Variants in BICD2 observed in about 807,000 individuals in gnomAD.
BICD2 encodes the protein BICD cargo adaptor 2.
BICD2 carries 25 observed loss-of-function variants against 72.9 expected under a neutral mutation model. The observed-to-expected ratio is 0.34, with a 90% CI of 0.25 to 0.48. The LOEUF (loss-of-function observed/expected upper bound fraction) is 0.48. BICD2 is among the 20% of genes least tolerant of loss of function. BICD2 has a pLI of 0.99. For missense variants in BICD2, 894 were observed against 1,175.2 expected, an observed-to-expected ratio of 0.76 and a Z score of 3.50; for synonymous variants, 501 against 516.1, an observed-to-expected ratio of 0.97 and a Z score of 0.40.
intron 1 of BICD2, among the ~76,000 whole-genome samples, chr9:92,735,088 T>C (rs1163276884): frequency 6.6e-6 from 1 of 152,236 alleles, no homozygotes; most frequent in African/African-American, 2.4e-5. Flanking sequence ...CCCACTGCTC[T>C]GAAGCTGCCT....
chr9:92,714,422 C>T lies in BICD2; in HGVS notation c.*732G>A, dbSNP rs1342862381. 1.9e-5 allele frequency: 19 copies of T among 985,460 alleles called. No individual in the cohort carries two copies. Among genetic ancestry groups the T allele is most frequent in the Non-Finnish European group, 2.2e-5 (18 of 829,956 alleles). The allele number at this position is 985,460 out of a possible 1,614,324, so 61.0% of individuals were successfully genotyped here. ...AAAATGAAAACCTGGGGCCTTGGGC[C>T]CTGCCAATCTGTCACCTCACAGGCC... On this transcript the variant is annotated 3_prime_UTR_variant, in exon 7 of 7. Coordinates refer to ENST00000356884, the MANE Select transcript of BICD2 (RefSeq NM_001003800.2).
At chr9:92,723,043 G>A (rs12685352) in intron 2 of BICD2, among the ~76,000 whole-genome samples, 1 of 133,054 alleles carries the variant, frequency 7.5e-6, no homozygotes, top group African/African-American at 2.6e-5. Flanking sequence ...CTGGGAACCC[G>A]TGACTGCCTG....
rs748921807 is a variant in BICD2 at position 92,719,111 on chromosome 9, C to G, written c.1534G>C (p.Val512Leu). The change falls in exon 5 of 7, where the codon GTC (valine) becomes CTC (leucine). Residue 512 changes from valine to leucine, a missense_variant. By Grantham distance (32) the Val-to-Leu change is conservative. Transcript: ENST00000356884. ...AGGCTGCCCTGTGTCTCGCCGGCGA[C>G]GTCGCTCACCTTCTTTAGCTCCTTC... Reference protein sequence around the residue: ...LEKELKKVSDVAGETQGSLSV... With the variant: ...LEKELKKVSDLAGETQGSLSV... 1.2e-6 allele frequency: 2 copies of G among 1,612,712 alleles called. No homozygotes were observed. The highest frequency in any genetic ancestry group is 1.7e-4 in the Middle Eastern group (1 of 6,060).
intron 1 of BICD2, among the ~76,000 whole-genome samples, chr9:92,737,010 G>A (rs774546494): frequency 1.3e-5 from 2 of 152,086 alleles, no homozygotes; most frequent in South Asian, 2.1e-4. Flanking sequence ...AAACCCCTAG[G>A]AGATAGAGAA....
chr9:92,739,021 G>A (rs1477284583), intron 1 of BICD2, among the ~76,000 whole-genome samples: 1 of 152,138 alleles, frequency 6.6e-6, no homozygotes, highest in Non-Finnish European at 1.5e-5. Context: ...GGCGGGCCTG[G>A]GCATCCCAGG....
intron 1 of BICD2, among the ~76,000 whole-genome samples, chr9:92,759,101 AG>A (rs1306281129): frequency 7.2e-5 from 11 of 152,228 alleles, no homozygotes; most frequent in African/African-American, 2.7e-4. Flanking sequence ...ATAAGTTAGA[AG>A]TACCACAGAA....
chr9:92,756,180 A>G (rs1854251738), intron 1 of BICD2, among the ~76,000 whole-genome samples: 1 of 152,200 alleles, frequency 6.6e-6, no homozygotes, highest in East Asian at 1.9e-4. Context: ...GGGGCGACAG[A>G]TGAACCAGAA....
chr9:92,714,071 C>T lies in BICD2; in HGVS notation c.*1083G>A, dbSNP rs1172848101. 3 of 985,876 alleles carry T rather than the reference C, an allele frequency of 3.0e-6. No homozygotes were observed. The highest frequency in any genetic ancestry group is 3.6e-6 in the Non-Finnish European group (3 of 830,322). The allele number at this position is 985,876 out of a possible 1,614,324, so 61.1% of individuals were successfully genotyped here. On this transcript the variant is annotated 3_prime_UTR_variant, in exon 7 of 7. Transcript: ENST00000356884. The stretch of plus-strand genomic sequence containing the variant: ...TGGGAGAACCCTACAGCTACCTTTC[C>T]TCTTTCTCTGTTGCCATCCCCCAGA...
chr9:92,743,685 G>C (rs1036524230), intron 1 of BICD2, among the ~76,000 whole-genome samples: 1 of 152,150 alleles, frequency 6.6e-6, no homozygotes, highest in African/African-American at 2.4e-5. Context: ...AGATGGAAGA[G>C]AGCCATCTCT....
intron 2 of BICD2, among the ~76,000 whole-genome samples, chr9:92,726,712 C>G (rs1316903658): frequency 6.6e-6 from 1 of 152,070 alleles, no homozygotes; most frequent in Non-Finnish European, 1.5e-5. Flanking sequence ...ACCCAGGGAC[C>G]AAGGTGGGGA....
At chr9:92,756,552 C>A (rs898018513) in intron 1 of BICD2, among the ~76,000 whole-genome samples, 1 of 149,482 alleles carries the variant, frequency 6.7e-6, no homozygotes, top group African/African-American at 2.4e-5. Flanking sequence ...TGAGCCACTG[C>A]GCCCGGCCCC....
chr9:92,721,247 T>C (rs537438618), intron 3 of BICD2, among the ~76,000 whole-genome samples: 1 of 152,342 alleles, frequency 6.6e-6, no homozygotes, highest in East Asian at 1.9e-4. Flanking sequence ...AAAAATATAT[T>C]TCAATGTGTG....
intron 2 of BICD2, among the ~76,000 whole-genome samples, chr9:92,724,627 C>T (rs560048824): frequency 3.3e-5 from 5 of 152,158 alleles, no homozygotes; most frequent in Non-Finnish European, 7.4e-5. Flanking sequence ...CATGCTGGGA[C>T]GAAGCGGGAG....
In BICD2 at chr9:92,720,671, G is replaced by T; in HGVS notation, c.691C>A (p.Arg231Ser). Residue 231 changes from arginine (R) to serine (S), a missense_variant, in exon 4 of 7, where the codon CGC becomes AGC. Transcript: ENST00000356884. This position sits in a 1 kb window ranked among gnomAD's most constrained non-coding sequence, Gnocchi z 5.4. The stretch of plus-strand genomic sequence containing the variant: ...TGCCGCTCTGAGATCTCCTTGAGGC[G>T]GATGGCATCCTCCAGCTGGCTGTTG... ...YLNSQLEDAI[R>S]LKEISERQLE... is the part of the protein sequence containing the mutation. The T allele has an allele frequency of 6.2e-7, 1 of 1,614,122 alleles. No homozygotes were observed. The highest frequency in any genetic ancestry group is 8.5e-7 in the Non-Finnish European group (1 of 1,180,026).
Position 92,713,908 on chromosome 9 carries a change from G to A in BICD2, c.*1246C>T, listed in dbSNP as rs1400185066. On this transcript the variant is annotated 3_prime_UTR_variant, in exon 7 of 7. Coordinates refer to ENST00000356884, the MANE Select transcript of BICD2 (RefSeq NM_001003800.2). ...TAACTCGAATGCCTCTTCCGCATGA[G>A]AGACAAGGCAAGCAGCCTGCAGGAG... 1.0e-6 allele frequency: 1 copy of A among 999,908 alleles called. No homozygotes were observed. Among genetic ancestry groups the A allele is most frequent in the Non-Finnish European group, 1.2e-6 (1 of 838,422 alleles). The allele number at this position is 999,908 out of a possible 1,614,324, so 61.9% of individuals were successfully genotyped here.
chr9:92,750,679 G>A (rs1441904108), intron 1 of BICD2, among the ~76,000 whole-genome samples: 1 of 151,904 alleles, frequency 6.6e-6, no homozygotes, highest in East Asian at 1.9e-4. Context: ...TTTTAAGGCA[G>A]TGAAACTATT....
chr9:92,718,088 C>A, intron 5 of BICD2, 140 bp from the exon 6 acceptor site: 1 of 1,077,862 alleles, frequency 9.3e-7, no homozygotes, highest in Non-Finnish European at 1.3e-6. Context: ...CTCCCTGTGA[C>A]AAACCCTGGG....
Position 92,764,312 on chromosome 9 carries a change from C to T in BICD2, c.240+193G>A, listed in dbSNP as rs1854435337. On this transcript the variant is annotated intron_variant, in intron 1 of 6. Coordinates refer to ENST00000356884, the MANE Select transcript of BICD2 (RefSeq NM_001003800.2). This position sits in a 1 kb window ranked among gnomAD's most constrained non-coding sequence, Gnocchi z 5.5. ...CGGACCCCTGCATTAGCGGCGTCTG[C>T]AACGGCCGCGGCACCGGCCTGCTAG... Among the ~76,000 whole-genome samples the T allele has an allele frequency of 6.6e-6, 1 of 152,180 alleles. No homozygotes were observed. The highest frequency in any genetic ancestry group is 1.5e-5 in the Non-Finnish European group (1 of 68,006).
intron 1 of BICD2, among the ~76,000 whole-genome samples, chr9:92,745,033 A>G (rs1247516926): frequency 3.3e-5 from 5 of 152,228 alleles, no homozygotes; most frequent in Non-Finnish European, 4.4e-5. Flanking sequence ...CATAAAATGG[A>G]TAATATCAGA....
Sources: allele counts gnomAD v4.1 joint callset (sites outside exome capture counted in the v4.1 genomes callset), GRCh38; gene constraint gnomAD v4.1.1; non-coding constraint Gnocchi (gnomAD v3.1); transcripts MANE v1.5; gene names NCBI Gene and HGNC (gene_info 2026-07-23, HGNC 2026-07-21).